The following PTPRT variants were observed in gnomAD, a reference collection of about 807,000 sequenced individuals.
The protein encoded by PTPRT is protein tyrosine phosphatase receptor type T.
PTPRT carries 56 observed loss-of-function variants against 176.8 expected under a neutral mutation model. The observed-to-expected ratio is 0.32, with a 90% CI of 0.26 to 0.40. The LOEUF (loss-of-function observed/expected upper bound fraction) is 0.40. Among genes scored for constraint, PTPRT ranks in the 10% least tolerant of loss-of-function variants. The pLI is 1.00. For synonymous variants in PTPRT, 783 were observed against 739.0 expected, an observed-to-expected ratio of 1.06 and a Z score of -0.96; for missense variants, 1,540 against 1,908.2, an observed-to-expected ratio of 0.81 and a Z score of 3.60.
Position 42,697,615 on chromosome 20 carries a change from C to T in PTPRT, c.860-19456G>A, listed in dbSNP as rs191917795. Reference sequence around the variant, plus strand: ...GCAAGGATTGTTAATTCAAATGTTCCAGCACGTGAAGCATCACTTAATAAT... The same window carrying T: ...GCAAGGATTGTTAATTCAAATGTTCTAGCACGTGAAGCATCACTTAATAAT... On this transcript the variant is annotated intron_variant, in intron 6 of 30. Coordinates refer to ENST00000373187, the MANE Select transcript of PTPRT (RefSeq NM_007050.6). Among the ~76,000 whole-genome samples the T allele has an allele frequency of 6.9e-4, 105 of 152,298 alleles. 2 individuals carry two copies. The highest frequency in any genetic ancestry group is 2.4e-3 in the African/African-American group (100 of 41,568).
chr20:42,255,895 T>C (rs1204972569), intron 13 of PTPRT, among the ~76,000 whole-genome samples: 1 of 152,188 alleles, frequency 6.6e-6, no homozygotes, highest in Non-Finnish European at 1.5e-5. Flanking sequence ...ACTGCACTCT[T>C]TAAAACATAC....
intron 15 of PTPRT, among the ~76,000 whole-genome samples, chr20:42,227,099 T>A (rs2056030882): frequency 6.6e-6 from 1 of 151,036 alleles, no homozygotes; most frequent in African/African-American, 2.4e-5. Flanking sequence ...TGAAAATCAA[T>A]CAGACTCTGA....
At chr20:42,116,135 C>T (rs1348980182) in intron 21 of PTPRT, 3 of 711,056 alleles carry the variant, frequency 4.2e-6, no homozygotes, top group Admixed American at 2.1e-5. Flanking sequence ...AAACAAAAAA[C>T]AAACAAAAAA....
chr20:43,041,429 C>T (rs887517312), intron 1 of PTPRT, among the ~76,000 whole-genome samples: 1 of 152,164 alleles, frequency 6.6e-6, no homozygotes, highest in African/African-American at 2.4e-5. Context: ...CTAATCTTAT[C>T]TCCTTTCATT....
intron 23 of PTPRT, among the ~76,000 whole-genome samples, chr20:42,107,483 T>TTGA (rs1211858224): frequency 2.6e-5 from 4 of 152,238 alleles, no homozygotes; most frequent in African/African-American, 9.6e-5. Flanking sequence ...ATCAAGTTTC[T>TTGA]TGATACATAC....
rs6093602 is a variant in PTPRT at position 42,260,898 on chromosome 20, T to C, written c.2177-12076A>G. 7.3e-3 allele frequency among the ~76,000 whole-genome samples: 1,104 copies of C among 152,224 alleles called. 13 individuals carry two copies. Among genetic ancestry groups the C allele is most frequent in the African/African-American group, 0.024 (1,017 of 41,546 alleles). ...CAACAAGGGGACCTCACTGGGGAGA[T>C]GGGGTGAGCCAAAGGGATTCTCTGG... On this transcript the variant is annotated intron_variant, in intron 13 of 30. Transcript: ENST00000373187.
In PTPRT at chr20:42,885,852, T is replaced by C; in HGVS notation, c.169A>G (p.Ile57Val). 6.2e-7 allele frequency: 1 copy of C among 1,610,880 alleles called. No individual in the cohort carries two copies. The highest frequency in any genetic ancestry group is 8.5e-7 in the Non-Finnish European group (1 of 1,177,878). The stretch of plus-strand genomic sequence containing the variant: ...AGCATTGGTTTCTCCCATGTGTTAA[T>C]CTGCTCCCAGGTGAACCCATTGGTC... ...LGTNGFTWEQINTWEKPMLDQ... is the reference protein window; with the variant it reads ...LGTNGFTWEQVNTWEKPMLDQ... The change falls in exon 2 of 31, where the codon ATT (isoleucine) becomes GTT (valine). Residue 57 changes from isoleucine to valine, a missense_variant. By Grantham distance (29) the Ile-to-Val change is conservative. Around this residue, in one of 11 missense-constraint regions of PTPRT, gnomAD observed 116 missense variants for 118.5 expected, o/e 0.98. Coordinates refer to ENST00000373187, the MANE Select transcript of PTPRT (RefSeq NM_007050.6).
At chr20:42,715,959 T>A (rs2076216809) in intron 6 of PTPRT, among the ~76,000 whole-genome samples, 1 of 152,246 alleles carries the variant, frequency 6.6e-6, no homozygotes, top group Non-Finnish European at 1.5e-5. Flanking sequence ...AACTTTATAC[T>A]TTTTACTCAC....
rs200630846 is a variant in PTPRT, at chr20:43,083,318, A to ATGTGTGTG, written c.88+106327_88+106328insCACACACA. Among the ~76,000 whole-genome samples the ATGTGTGTG allele has an allele frequency of 6.0e-4, 47 of 78,556 alleles. 2 individuals are homozygous for ATGTGTGTG. Among genetic ancestry groups the ATGTGTGTG allele is most frequent in the African/African-American group, 2.6e-3 (38 of 14,720 alleles). The allele number at this position is 78,556 out of a possible 152,430, so 51.5% of individuals were successfully genotyped here. On this transcript the variant is annotated intron_variant, in intron 1 of 30. Transcript: ENST00000373187. Reference sequence around the variant, plus strand: ...ATACCATAAGATTCACCCACTTCAAATGTATATATATATATATATATATAT... The same window carrying ATGTGTGTG: ...ATACCATAAGATTCACCCACTTCAAATGTGTGTGTGTATATATATATATATATATATAT...
chr20:42,167,565 T>C (rs141321062), intron 16 of PTPRT, among the ~76,000 whole-genome samples: 1 of 152,318 alleles, frequency 6.6e-6, no homozygotes, highest in African/African-American at 2.4e-5. Flanking sequence ...CCTAGCTCCA[T>C]GTGCTCTTTA....
intron 7 of PTPRT, among the ~76,000 whole-genome samples, chr20:42,491,632 G>A (rs989169350): frequency 5.9e-5 from 9 of 152,160 alleles, no homozygotes; most frequent in African/African-American, 2.2e-4. Context: ...GTCCACCCTG[G>A]ATGATAAAGC....
chr20:43,182,322 A>C lies in PTPRT; in HGVS notation c.88+7324T>G, dbSNP rs950662858. On this transcript the variant is annotated intron_variant, in intron 1 of 30. Transcript: ENST00000373187. Reference sequence around the variant, plus strand: ...AACTGTGGAACATGTAGTCGGCAGCACTGCATTCTTCCACAGAAAAGGATA... The same window carrying C: ...AACTGTGGAACATGTAGTCGGCAGCCCTGCATTCTTCCACAGAAAAGGATA... 2.9e-4 allele frequency among the ~76,000 whole-genome samples: 44 copies of C among 151,962 alleles called. 1 individual carries two copies. Among genetic ancestry groups the C allele is most frequent in the African/African-American group, 1.0e-3 (42 of 41,336 alleles).
intron 1 of PTPRT, among the ~76,000 whole-genome samples, chr20:43,114,185 T>C (rs1402845418): frequency 1.3e-5 from 2 of 152,194 alleles, no homozygotes; most frequent in African/African-American, 2.4e-5. Context: ...GATAAGCCTA[T>C]TTCACAGTTA....
At chr20:43,095,178 C>G (rs2012077883) in intron 1 of PTPRT, among the ~76,000 whole-genome samples, 1 of 152,098 alleles carries the variant, frequency 6.6e-6, no homozygotes, top group Admixed American at 6.5e-5. Context: ...CATCTGGGAG[C>G]TGGGTTGGTG....
chr20:42,367,946 G>T (rs1322592356), intron 9 of PTPRT, among the ~76,000 whole-genome samples: 2 of 152,208 alleles, frequency 1.3e-5, no homozygotes, highest in African/African-American at 4.8e-5. Flanking sequence ...CATCCTGAAA[G>T]GTAACAGCTC....
chr20:42,327,143 T>C (rs6093623), intron 11 of PTPRT, among the ~76,000 whole-genome samples: 67,489 of 150,954 alleles, frequency 0.45, 15,762 homozygotes, highest in African/African-American at 0.58. Context: ...TATAATTTTA[T>C]GTATAAAATT....
chr20:42,591,112 C>A (rs1477686730), intron 7 of PTPRT, among the ~76,000 whole-genome samples: 1 of 151,644 alleles, frequency 6.6e-6, no homozygotes, highest in African/African-American at 2.4e-5. Context: ...GAAGAAAATA[C>A]AGAAAAATAG....
At chr20:43,037,066 A>G (rs1389915897) in intron 1 of PTPRT, among the ~76,000 whole-genome samples, 1 of 152,240 alleles carries the variant, frequency 6.6e-6, no homozygotes, top group African/African-American at 2.4e-5. Context: ...GACTAGGTGA[A>G]TTGCCAAATT....
intron 2 of PTPRT, among the ~76,000 whole-genome samples, chr20:42,832,106 A>G (rs555395783): frequency 4.6e-5 from 7 of 152,396 alleles, no homozygotes; most frequent in South Asian, 2.1e-4. Context: ...TATTCACAAT[A>G]GCAAAGACAT....
Sources: gnomAD v4.1 joint callset for allele counts (sites outside exome capture counted in the v4.1 genomes callset) on GRCh38, gnomAD v4.1.1 for gene constraint, gnomAD v4.1.1 regional missense constraint, MANE v1.5 for transcripts, NCBI Gene and HGNC (gene_info 2026-07-23, HGNC 2026-07-21) for gene names.